DGKB: variants seen among roughly 807,000 people sequenced by gnomAD.
DGKB encodes the protein diacylglycerol kinase beta, also known as 90 kDa diacylglycerol kinase.
DGKB carries 67 observed loss-of-function variants against 114.3 expected under a neutral mutation model. That is an observed-to-expected ratio of 0.59 (90% confidence interval 0.48 to 0.72). The LOEUF (loss-of-function observed/expected upper bound fraction) is 0.72, where lower values mean the gene tolerates loss of function less well. Ranked by LOEUF, DGKB falls within the 30% of genes least tolerant of loss-of-function variation. The pLI is 0.00. For missense variants in DGKB, 907 were observed against 975.2 expected (o/e 0.93, Z 0.93); for synonymous variants, 398 against 323.1 (o/e 1.23, Z -2.49).
intron 1 of DGKB, among the ~76,000 whole-genome samples, chr7:14,846,438 A>G (rs1848636589): frequency 6.6e-6 from 1 of 152,218 alleles, no homozygotes; most frequent in African/African-American, 2.4e-5. Context: ...CAAGCCTATG[A>G]AAAAAGAAAT....
At chr7:14,608,096 T>C (rs1402989103) in intron 16 of DGKB, among the ~76,000 whole-genome samples, 2 of 152,044 alleles carry the variant, frequency 1.3e-5, no homozygotes, top group African/African-American at 4.8e-5. Flanking sequence ...TGACAAATAA[T>C]TCTTTTTTTC....
chr7:14,337,886 A>G (rs528495930), intron 23 of DGKB, among the ~76,000 whole-genome samples: 19 of 152,258 alleles, frequency 1.2e-4, no homozygotes, highest in Admixed American at 2.0e-4. Context: ...TCATGTCCCA[A>G]TGAGAACTAT....
intron 21 of DGKB, among the ~76,000 whole-genome samples, chr7:14,371,992 G>A (rs1817735522): frequency 6.6e-6 from 1 of 152,136 alleles, no homozygotes; most frequent in African/African-American, 2.4e-5. Context: ...TATGCACCTG[G>A]ATTAAAAATG....
At chr7:14,954,605 T>G (rs915842408) in intron 1 of DGKB, among the ~76,000 whole-genome samples, 58 of 151,868 alleles carry the variant, frequency 3.8e-4, no homozygotes, top group Non-Finnish European at 6.3e-4. Context: ...GTGATTTTTT[T>G]GGGGGGAGGG....
rs577952384 is a variant in DGKB, at chr7:14,249,595, A to T, written c.2123-71444T>A. Among the ~76,000 whole-genome samples, 3 of 152,030 alleles carry T rather than the reference A, an allele frequency of 2.0e-5. No homozygotes were observed. The East Asian group carries it at 5.8e-4, about 29-fold the overall frequency. ...AGTGTGTGTTCCTAGAAATTTAACC[A>T]TTTTTTCAAGGTTATCTAATTTGTC... On this transcript the variant is annotated intron_variant, in intron 23 of 25. Coordinates refer to ENST00000402815, the MANE Select transcript of DGKB (RefSeq NM_001350709.2).
chr7:14,837,716 G>A (rs186404264), intron 2 of DGKB, among the ~76,000 whole-genome samples: 392 of 152,090 alleles, frequency 2.6e-3, no homozygotes, highest in African/African-American at 9.0e-3. Context: ...TAAAGCCCCC[G>A]ATAAACTGAT....
chr7:14,385,737 C>T (rs7808637), intron 21 of DGKB, among the ~76,000 whole-genome samples: 2,015 of 152,176 alleles, frequency 0.013, 42 homozygotes, highest in African/African-American at 0.045. Flanking sequence ...CAAAAATAAA[C>T]TGGTGATATA....
At chr7:14,873,411 A>G (rs17370135) in intron 1 of DGKB, among the ~76,000 whole-genome samples, 4,151 of 152,166 alleles carry the variant, frequency 0.027, 88 homozygotes, top group Non-Finnish European at 0.043. Flanking sequence ...CATGGAATTT[A>G]ATTTTTCTAT....
chr7:14,709,255 A>G (rs1194379016), intron 6 of DGKB, among the ~76,000 whole-genome samples: 6 of 151,738 alleles, frequency 4.0e-5, no homozygotes, highest in Non-Finnish European at 8.8e-5. Context: ...GCAAATCAAA[A>G]CCACTATGAG....
intron 25 of DGKB, among the ~76,000 whole-genome samples, chr7:14,149,518 G>C (rs1303523589): frequency 6.6e-6 from 1 of 152,040 alleles, no homozygotes; most frequent in African/African-American, 2.4e-5. Context: ...CTCACTTGTA[G>C]CAATATTCCA....
intron 1 of DGKB, among the ~76,000 whole-genome samples, chr7:14,921,418 T>C (rs761511041): frequency 1.2e-4 from 19 of 152,132 alleles, no homozygotes; most frequent in South Asian, 6.2e-4. Flanking sequence ...AGGTATTAAT[T>C]CCTAAAAGGT....
At chr7:14,489,204 C>A (rs1784267752) in intron 20 of DGKB, among the ~76,000 whole-genome samples, 1 of 152,116 alleles carries the variant, frequency 6.6e-6, no homozygotes, top group African/African-American at 2.4e-5. Context: ...TTCATAGTTT[C>A]CATTCCTCTT....
intron 25 of DGKB, among the ~76,000 whole-genome samples, chr7:14,174,829 T>A (rs1781493702): frequency 6.6e-6 from 1 of 152,180 alleles, no homozygotes; most frequent in South Asian, 2.1e-4. Flanking sequence ...ATTTTTAACA[T>A]CCATGTGAAT....
chr7:14,550,079 T>A (rs1471307377), intron 20 of DGKB, among the ~76,000 whole-genome samples: 4 of 152,184 alleles, frequency 2.6e-5, no homozygotes, highest in African/African-American at 4.8e-5. Context: ...AATTTTGTTT[T>A]ATTCTGTCAT....
At chr7:14,930,365 G>T (rs1052143860) in intron 1 of DGKB, among the ~76,000 whole-genome samples, 3 of 151,984 alleles carry the variant, frequency 2.0e-5, no homozygotes, top group Non-Finnish European at 4.4e-5. Context: ...TTTTCTATTT[G>T]GTTGTGTAAT....
chr7:14,183,997 T>C (rs1265397063), intron 23 of DGKB, among the ~76,000 whole-genome samples: 8 of 152,144 alleles, frequency 5.3e-5, no homozygotes, highest in Admixed American at 4.6e-4. Flanking sequence ...AGGGAGACCC[T>C]CCTCTCCCCA....
intron 1 of DGKB, among the ~76,000 whole-genome samples, chr7:14,899,693 G>A (rs1427890230): frequency 1.3e-5 from 2 of 151,990 alleles, no homozygotes; most frequent in South Asian, 4.1e-4. Flanking sequence ...AATTGGAATC[G>A]TGAGTGTGCC....
chr7:14,746,158 G>A (rs772966782), intron 4 of DGKB, among the ~76,000 whole-genome samples: 1 of 152,106 alleles, frequency 6.6e-6, no homozygotes, highest in Non-Finnish European at 1.5e-5. Context: ...GGCCAATGTG[G>A]CAAAACCCCG....
intron 22 of DGKB, among the ~76,000 whole-genome samples, chr7:14,342,337 T>C (rs967754704): frequency 6.6e-6 from 1 of 151,896 alleles, no homozygotes; most frequent in Non-Finnish European, 1.5e-5. Flanking sequence ...TGCCTGGTAC[T>C]CTGAGCAAAC....
Sources: gnomAD v4.1 joint callset for allele counts (sites outside exome capture counted in the v4.1 genomes callset) on GRCh38, gnomAD v4.1.1 for gene constraint, MANE v1.5 for transcripts, NCBI Gene and HGNC (gene_info 2026-07-23, HGNC 2026-07-21) for gene names.